The following CADM1 variants were observed in gnomAD, a reference collection of about 807,000 sequenced individuals.
CADM1 encodes cell adhesion molecule 1.
CADM1 carries 15 observed loss-of-function variants against 53.1 expected under a neutral mutation model. The observed-to-expected ratio is 0.28, with a 90% CI of 0.19 to 0.44. CADM1 has a LOEUF of 0.44. Among genes scored for constraint, CADM1 ranks in the 20% least tolerant of loss-of-function variants. The pLI, the probability that CADM1 is intolerant of heterozygous loss-of-function variation, is 1.00. For synonymous variants in CADM1, 281 were observed against 243.0 expected (o/e 1.16, Z -1.45); for missense variants, 434 against 611.3 (o/e 0.71, Z 3.06).
intron 1 of CADM1, among the ~76,000 whole-genome samples, chr11:115,437,216 G>A (rs1159545565): frequency 6.6e-6 from 1 of 152,146 alleles, no homozygotes; most frequent in East Asian, 1.9e-4. Flanking sequence ...ACCTGCCCCA[G>A]AGGTGGAATA....
At chr11:115,427,210 C>T (rs551619769) in intron 1 of CADM1, among the ~76,000 whole-genome samples, 5 of 152,238 alleles carry the variant, frequency 3.3e-5, no homozygotes, top group South Asian at 4.2e-4. Context: ...CATGGAGACA[C>T]GCAGAAGAAT....
chr11:115,331,672 T>C (rs537248528), intron 1 of CADM1, among the ~76,000 whole-genome samples: 4 of 152,144 alleles, frequency 2.6e-5, no homozygotes, highest in South Asian at 4.1e-4. Context: ...CTAACTCAAA[T>C]AGAGTAAATA....
chr11:115,247,042 C>A (rs939761605), intron 1 of CADM1, among the ~76,000 whole-genome samples: 3 of 152,132 alleles, frequency 2.0e-5, no homozygotes, highest in African/African-American at 7.2e-5. Context: ...ATTCTGTATA[C>A]ACGTTCTTGT....
At chr11:115,496,446 A>C (rs528147398) in intron 1 of CADM1, among the ~76,000 whole-genome samples, 1 of 152,370 alleles carries the variant, frequency 6.6e-6, no homozygotes, top group East Asian at 1.9e-4. Flanking sequence ...TCACTGGAGA[A>C]TCATCAGTCT....
At chr11:115,217,100 C>T (rs1941219758) in intron 6 of CADM1, among the ~76,000 whole-genome samples, 1 of 152,092 alleles carries the variant, frequency 6.6e-6, no homozygotes, top group Admixed American at 6.6e-5. Context: ...CTTTCCCCCA[C>T]TAAGGAACAG....
rs1294483431 is a variant in CADM1, at chr11:115,171,761, G to T, written c.*4713C>A. 2.0e-5 allele frequency: 3 copies of T among 152,212 alleles called. No homozygotes were observed. Among genetic ancestry groups the T allele is most frequent in the African/African-American group, 4.8e-5 (2 of 41,436 alleles). 9.4% of individuals were successfully genotyped at this position (152,212 alleles called of 1,614,324 possible). ...CCTCATGCTGCAGACAAGAGGGAGA[G>T]GGGTGGGGAGACTAAACATACTGCA... On this transcript the variant is annotated 3_prime_UTR_variant, in exon 12 of 12. Transcript: ENST00000331581.
chr11:115,442,277 A>G lies in CADM1; in HGVS notation c.124+61994T>C, dbSNP rs565438061. Among the ~76,000 whole-genome samples, 19 of 152,260 alleles carry G rather than the reference A, an allele frequency of 1.2e-4. No homozygotes were observed. The East Asian group carries it at 2.9e-3, about 23-fold the overall frequency. ...ATATATGAAAAAGCATTCTAATATTACAGCTACCCAAAATGAAAGGGCTCA... is the reference window on the plus strand; with the variant it reads ...ATATATGAAAAAGCATTCTAATATTGCAGCTACCCAAAATGAAAGGGCTCA... On this transcript the variant is annotated intron_variant, in intron 1 of 11. Coordinates refer to ENST00000331581, the MANE Select transcript of CADM1 (RefSeq NM_001301043.2).
At chr11:115,337,880 G>A (rs903324150) in intron 1 of CADM1, among the ~76,000 whole-genome samples, 1 of 152,108 alleles carries the variant, frequency 6.6e-6, no homozygotes, top group South Asian at 2.1e-4. Flanking sequence ...ATCACCTTAG[G>A]GATGACCAGA....
rs1217891144 is a variant in CADM1 at position 115,493,048 on chromosome 11, T to C, written c.124+11223A>G. 2.6e-5 allele frequency among the ~76,000 whole-genome samples: 4 copies of C among 152,152 alleles called. No individual in the cohort carries two copies. In the East Asian group the frequency reaches 7.7e-4, roughly 29 times the overall value. On this transcript the variant is annotated intron_variant, in intron 1 of 11. Transcript: ENST00000331581. ...CTTAGATGTGTCCGCTGTCTAAATATCATTCTTTGACTAAAAGGAATCAGG... is the reference window on the plus strand; with the variant it reads ...CTTAGATGTGTCCGCTGTCTAAATACCATTCTTTGACTAAAAGGAATCAGG...
intron 1 of CADM1, among the ~76,000 whole-genome samples, chr11:115,274,333 C>T (rs965081445): frequency 2.6e-5 from 4 of 152,242 alleles, no homozygotes; most frequent in Non-Finnish European, 1.5e-5. Flanking sequence ...AGGCTCTGCC[C>T]GCACACTGTG....
At chr11:115,360,359 G>A (rs1000411342) in intron 1 of CADM1, among the ~76,000 whole-genome samples, 1 of 152,142 alleles carries the variant, frequency 6.6e-6, no homozygotes, top group African/African-American at 2.4e-5. Flanking sequence ...ATGAAACGGT[G>A]CATTTGCCAA....
chr11:115,438,451 G>A (rs1320062139), intron 1 of CADM1, among the ~76,000 whole-genome samples: 1 of 152,024 alleles, frequency 6.6e-6, no homozygotes, highest in Admixed American at 6.6e-5. Context: ...TCCAACAGAT[G>A]TTCTACAGGC....
intron 1 of CADM1, among the ~76,000 whole-genome samples, chr11:115,342,188 T>C (rs1054756850): frequency 3.9e-5 from 6 of 152,168 alleles, no homozygotes; most frequent in Non-Finnish European, 8.8e-5. Context: ...AAAACACATA[T>C]ACTTGTAAAG....
intron 1 of CADM1, among the ~76,000 whole-genome samples, chr11:115,268,344 GT>G (rs1462335412): frequency 6.6e-6 from 1 of 152,206 alleles, no homozygotes; most frequent in Non-Finnish European, 1.5e-5. Flanking sequence ...AGCCTGTGAG[GT>G]GGAAAGGTTG....
intron 1 of CADM1, among the ~76,000 whole-genome samples, chr11:115,348,649 GCTATGTTTTCCC>G (rs1445131904): frequency 6.6e-6 from 1 of 152,126 alleles, no homozygotes; most frequent in East Asian, 1.9e-4. Context: ...GCTCTTGTCT[GCTATGTTTTCCC>G]CCATGTAGAT....
chr11:115,278,314 G>A (rs1378269042), intron 1 of CADM1, among the ~76,000 whole-genome samples: 1 of 152,200 alleles, frequency 6.6e-6, no homozygotes, highest in African/African-American at 2.4e-5. Flanking sequence ...TGTTAGAATT[G>A]TATGTGGTGG....
At chr11:115,486,495 T>G (rs182039577) in intron 1 of CADM1, among the ~76,000 whole-genome samples, 4 of 152,040 alleles carry the variant, frequency 2.6e-5, no homozygotes, top group Admixed American at 1.3e-4. Flanking sequence ...GGACTACAGT[T>G]GTACACCACC....
intron 5 of CADM1, among the ~76,000 whole-genome samples, chr11:115,221,344 T>G (rs750115671): frequency 9.2e-5 from 14 of 152,188 alleles, no homozygotes; most frequent in African/African-American, 2.9e-4. Flanking sequence ...GTAAAAGACA[T>G]TTAGCAAGAC....
Position 115,344,371 on chromosome 11 carries a change from C to T in CADM1, c.125-103951G>A, listed in dbSNP as rs73578126. On this transcript the variant is annotated intron_variant, in intron 1 of 11. Coordinates refer to ENST00000331581, the MANE Select transcript of CADM1 (RefSeq NM_001301043.2). ...AACTATCATTTCTCTAAGTCCGGTC[C>T]GCCAGGCTTAAATATCAGTAGTCTT... Among the ~76,000 whole-genome samples the T allele has an allele frequency of 7.8e-3, 1,191 of 152,226 alleles. 16 individuals are homozygous for T. The highest frequency in any genetic ancestry group is 0.025 in the African/African-American group (1,058 of 41,530).
Sources: gnomAD v4.1 joint callset for allele counts (sites outside exome capture counted in the v4.1 genomes callset) on GRCh38, gnomAD v4.1.1 for gene constraint, MANE v1.5 for transcripts, NCBI Gene and HGNC (gene_info 2026-07-23, HGNC 2026-07-21) for gene names.